Variants in SAMD5 observed in about 807,000 individuals in gnomAD.
SAMD5 encodes the protein sterile alpha motif domain containing 5.
Under a neutral mutation model 11.3 loss-of-function variants are expected in SAMD5, and 13 were observed. That is an observed-to-expected ratio of 1.15 (90% CI 0.75 to 1.83). The LOEUF (loss-of-function observed/expected upper bound fraction) is 1.83. SAMD5 is among the 40% of genes most tolerant of loss of function. The pLI, the probability that SAMD5 is intolerant of heterozygous loss-of-function variation, is 0.00. For synonymous variants in SAMD5, 129 were observed against 111.3 expected (o/e 1.16, Z -1.00); for missense variants, 255 against 239.1 (o/e 1.07, Z -0.44).
At chr6:147,948,404 T>C in the SAMD5 span, among the ~76,000 whole-genome samples, 2 of 152,156 alleles carry the variant, frequency 1.3e-5, no homozygotes, top group African/African-American at 4.8e-5. Flanking sequence ...ACACAGAAAA[T>C]GCTAGACCAC....
chr6:147,799,385 T>G, the SAMD5 span, among the ~76,000 whole-genome samples: 4 of 152,088 alleles, frequency 2.6e-5, no homozygotes, highest in East Asian at 1.9e-4. Context: ...TTAAAAATGT[T>G]GAATATTGGC....
chr6:147,537,706 A>G (rs946588810), intron 1 of SAMD5, among the ~76,000 whole-genome samples: 26 of 151,780 alleles, frequency 1.7e-4, no homozygotes, highest in African/African-American at 6.0e-4. Context: ...CAGTGAGCCG[A>G]GATCCACTCA....
the SAMD5 span, among the ~76,000 whole-genome samples, chr6:147,890,275 T>C: frequency 6.6e-6 from 1 of 151,308 alleles, no homozygotes; most frequent in East Asian, 1.9e-4. Flanking sequence ...GAAGAAGAAA[T>C]ATACATAGCT....
Position 147,661,840 on chromosome 6 carries a change from AG to A in SAMD5, c.163-75475del, listed in dbSNP as rs996460915. On this transcript the variant is annotated intron_variant, in intron 1 of 1. Coordinates refer to the SAMD5 transcript ENST00000566741. ...GAAACGGGGTTTCACTATGTTGGCC[AG>A]GCTGGTCTCGAACTCTTGACCTCAT... Among the ~76,000 whole-genome samples the A allele has an allele frequency of 3.0e-4, 45 of 152,162 alleles. 1 individual carries two copies. The highest frequency in any genetic ancestry group is 1.2e-4 in the Non-Finnish European group (8 of 68,038).
At chr6:147,874,569 A>G in the SAMD5 span, among the ~76,000 whole-genome samples, 1 of 151,494 alleles carries the variant, frequency 6.6e-6, no homozygotes, top group African/African-American at 2.4e-5. Context: ...CCGAGTAGTC[A>G]TTGCTGCTTT....
intron 1 of SAMD5, among the ~76,000 whole-genome samples, chr6:147,643,984 T>A (rs1211840101): frequency 1.3e-5 from 2 of 148,720 alleles, no homozygotes; most frequent in South Asian, 2.2e-4. Flanking sequence ...TGGATTTAAA[T>A]GTCATACATA....
At chr6:147,842,323 A>T in the SAMD5 span, among the ~76,000 whole-genome samples, 1 of 151,940 alleles carries the variant, frequency 6.6e-6, no homozygotes, top group Non-Finnish European at 1.5e-5. Context: ...AGTCTCAGCC[A>T]TTGTCCATCA....
chr6:147,867,444 A>C, the SAMD5 span, among the ~76,000 whole-genome samples: 6 of 152,046 alleles, frequency 3.9e-5, no homozygotes, highest in African/African-American at 1.4e-4. Context: ...TAAGCTTTAG[A>C]AATAATATGT....
At chr6:147,782,560 G>A in the SAMD5 span, among the ~76,000 whole-genome samples, 176 of 152,290 alleles carry the variant, frequency 1.2e-3, no homozygotes, top group Non-Finnish European at 2.3e-3. Context: ...CAGGCTGTGG[G>A]AATTATTCTC....
rs945221845 is a variant in SAMD5, at chr6:147,638,458, C to G, written c.163-98859C>G. 9.2e-5 allele frequency among the ~76,000 whole-genome samples: 14 copies of G among 152,264 alleles called. 2 individuals are homozygous for G. Among genetic ancestry groups the G allele is most frequent in the Admixed American group, 7.8e-4 (12 of 15,302 alleles). On this transcript the variant is annotated intron_variant, in intron 1 of 1. Transcript: ENST00000566741. ...TCCATCCATTCTGTGAATCACAGCTCCCTTGTGAATTCCTTTGAAAACCCT... is the reference window on the plus strand; with the variant it reads ...TCCATCCATTCTGTGAATCACAGCTGCCTTGTGAATTCCTTTGAAAACCCT...
intron 1 of SAMD5, among the ~76,000 whole-genome samples, chr6:147,543,380 G>A (rs896365495): frequency 6.6e-6 from 1 of 152,136 alleles, no homozygotes; most frequent in South Asian, 2.1e-4. Flanking sequence ...AGTGAGGGCA[G>A]AATTATAGAA....
chr6:147,590,499 G>T (rs562315278), intron 1 of SAMD5, among the ~76,000 whole-genome samples: 1 of 152,192 alleles, frequency 6.6e-6, no homozygotes, highest in South Asian at 2.1e-4. Context: ...TGCAACCTCC[G>T]TCTCCCGGGC....
chr6:147,597,198 T>C (rs1357576176), intron 1 of SAMD5, among the ~76,000 whole-genome samples: 1 of 152,178 alleles, frequency 6.6e-6, no homozygotes, highest in Non-Finnish European at 1.5e-5. Context: ...GATTAATTAG[T>C]AGGGTTATTA....
the SAMD5 span, among the ~76,000 whole-genome samples, chr6:147,857,437 G>A: frequency 6.6e-6 from 1 of 151,652 alleles, no homozygotes; most frequent in African/African-American, 2.4e-5. Flanking sequence ...AGCTCAGGAT[G>A]TCGAGACTGC....
At chr6:147,559,598 A>G (rs1788914888) in intron 1 of SAMD5, among the ~76,000 whole-genome samples, 1 of 152,218 alleles carries the variant, frequency 6.6e-6, no homozygotes, top group Admixed American at 6.5e-5. Flanking sequence ...CAGGAAGTAG[A>G]GAAAATTATT....
the SAMD5 span, among the ~76,000 whole-genome samples, chr6:147,917,938 C>G: frequency 1.3e-5 from 2 of 152,120 alleles, no homozygotes; most frequent in African/African-American, 4.8e-5. Context: ...GGTACCAGTA[C>G]CATGCTGTTT....
At chr6:147,718,186 G>A (rs548987861) in intron 1 of SAMD5, among the ~76,000 whole-genome samples, 2 of 152,252 alleles carry the variant, frequency 1.3e-5, no homozygotes, top group African/African-American at 2.4e-5. Context: ...CCAGGGTATC[G>A]TTTAGTACAT....
the SAMD5 span, among the ~76,000 whole-genome samples, chr6:147,771,820 A>G: frequency 2.0e-5 from 3 of 152,206 alleles, no homozygotes; most frequent in Non-Finnish European, 4.4e-5. Context: ...TTTTAAATAC[A>G]ACATTTTATT....
the SAMD5 span, among the ~76,000 whole-genome samples, chr6:147,896,755 A>AAACAAAAACAAACAAAC: frequency 2.5e-4 from 36 of 142,458 alleles, no homozygotes; most frequent in African/African-American, 9.7e-4. Flanking sequence ...AAAAAAAAAA[A>AAACAAAAACAAACAAAC]AAAAAAAACG....
Sources: gnomAD v4.1 joint callset for allele counts (sites outside exome capture counted in the v4.1 genomes callset) on GRCh38, gnomAD v4.1.1 for gene constraint, MANE v1.5 for transcripts, NCBI Gene and HGNC (gene_info 2026-07-23, HGNC 2026-07-21) for gene names.